Variants in FRAS1 observed in about 807,000 individuals in gnomAD.
The protein encoded by FRAS1 is extracellular matrix organizing protein FRAS1.
FRAS1 carries 290 observed loss-of-function variants against 435.2 expected under a neutral mutation model. The observed-to-expected ratio is 0.67, with a 90% CI of 0.61 to 0.73. The LOEUF is 0.73. Among genes scored for constraint, FRAS1 ranks in the 30% least tolerant of loss-of-function variants. The probability of loss-of-function intolerance (pLI) is 0.00; values close to 1 mark genes in which losing one functional copy is unlikely to be tolerated. For synonymous variants in FRAS1, 1,800 were observed against 1,851.0 expected (o/e 0.97, Z 0.71); for missense variants, 4,860 against 5,001.5 (o/e 0.97, Z 0.85).
chr4:78,327,463 G>A (rs17003130), intron 18 of FRAS1, among the ~76,000 whole-genome samples: 3,698 of 152,150 alleles, frequency 0.024, 173 homozygotes, highest in African/African-American at 0.084. Flanking sequence ...TAGTAGTATC[G>A]GTTGTTTGAA....
At position 78,317,495 on chromosome 4, in the gene FRAS1, T is replaced by A. The variant is rs345514; in HGVS notation, c.1947T>A (p.His649Gln). The A allele has an allele frequency of 4.3e-6, 7 of 1,612,994 alleles. No homozygotes were observed. In the African/African-American group the frequency reaches 9.3e-5, roughly 22 times the overall value. ...PRCGEGFYSD[H>Q]GVCKACHSSC... ...GTGGAGAGGGTTTCTACTCTGACCA[T>A]GGAGTCTGCAAAGGTATCGTTGGTG... is the stretch of plus-strand genomic sequence containing the variant. The change falls in exon 17 of 74, where the codon CAT becomes CAA. Residue 649 changes from histidine to glutamine, a missense_variant. Transcript: ENST00000512123.
At chr4:78,103,176 A>G (rs1578124775) in intron 2 of FRAS1, among the ~76,000 whole-genome samples, 1 of 152,240 alleles carries the variant, frequency 6.6e-6, no homozygotes. Flanking sequence ...GACTTTTAAT[A>G]TTATCTTCAG....
intron 54 of FRAS1, among the ~76,000 whole-genome samples, chr4:78,476,526 G>T (rs2109855249): frequency 6.6e-6 from 1 of 152,326 alleles, no homozygotes; most frequent in East Asian, 1.9e-4. Context: ...TCTGTAAAGA[G>T]AAGTGGGCTC....
At chr4:78,202,268 C>T (rs1465327797) in intron 2 of FRAS1, among the ~76,000 whole-genome samples, 1 of 152,102 alleles carries the variant, frequency 6.6e-6, no homozygotes, top group East Asian at 1.9e-4. Flanking sequence ...AACTTTTAAC[C>T]CCTGATTTCT....
intron 14 of FRAS1, among the ~76,000 whole-genome samples, chr4:78,292,698 G>C (rs550230622): frequency 6.6e-6 from 1 of 152,132 alleles, no homozygotes; most frequent in Admixed American, 6.5e-5. Flanking sequence ...AGCCCTCCTC[G>C]CAAGACAGGG....
At chr4:78,285,434 C>CT (rs143667746) in intron 13 of FRAS1, among the ~76,000 whole-genome samples, 93,129 of 145,506 alleles carry the variant, frequency 0.64, 30,536 homozygotes, top group East Asian at 0.95. Flanking sequence ...CTTCCATATT[C>CT]TTTTTTTTTT....
At chr4:78,243,435 C>T (rs1725092662) in intron 3 of FRAS1, among the ~76,000 whole-genome samples, 1 of 152,076 alleles carries the variant, frequency 6.6e-6, no homozygotes, top group Admixed American at 6.6e-5. Flanking sequence ...ACTGCAAAGC[C>T]TGGAGAAGGA....
chr4:78,408,565 CCAAACT>C (rs1029007736), intron 31 of FRAS1, among the ~76,000 whole-genome samples: 1 of 152,134 alleles, frequency 6.6e-6, no homozygotes, highest in African/African-American at 2.4e-5. Flanking sequence ...GGGCCTATAG[CCAAACT>C]CAACATGTTT....
intron 15 of FRAS1, among the ~76,000 whole-genome samples, chr4:78,311,719 C>T (rs60581294): frequency 0.051 from 7,707 of 152,282 alleles, 391 homozygotes; most frequent in East Asian, 0.3. Context: ...ATCCTTGCCA[C>T]CACTTGGCAT....
rs557600482 is a variant in FRAS1 at position 78,189,976 on chromosome 4, A to T, written c.109-47534A>T. 1.5e-3 allele frequency among the ~76,000 whole-genome samples: 222 copies of T among 152,316 alleles called. 1 individual carries two copies. Among genetic ancestry groups the T allele is most frequent in the African/African-American group, 5.3e-3 (219 of 41,576 alleles). ...CAAAAATTTTTCATCTTTTGCCTGC[A>T]CTGATGCATTAGCCATCTAACCTGG... On this transcript the variant is annotated intron_variant, in intron 2 of 73. Coordinates refer to ENST00000512123, the MANE Select transcript of FRAS1 (RefSeq NM_025074.7).
chr4:78,141,959 T>C (rs750729668), intron 2 of FRAS1, among the ~76,000 whole-genome samples: 7 of 152,036 alleles, frequency 4.6e-5, no homozygotes, highest in Non-Finnish European at 1.0e-4. Flanking sequence ...CTAAGAATGA[T>C]ACAATGGACT....
At chr4:78,312,438 C>T (rs139047423) in intron 15 of FRAS1, among the ~76,000 whole-genome samples, 30 of 151,940 alleles carry the variant, frequency 2.0e-4, no homozygotes, top group East Asian at 1.7e-3. Flanking sequence ...TGTAGTATGT[C>T]TCAATATCTG....
intron 6 of FRAS1, among the ~76,000 whole-genome samples, chr4:78,264,240 AG>A (rs1726245805): frequency 6.6e-6 from 1 of 152,208 alleles, no homozygotes; most frequent in East Asian, 1.9e-4. Context: ...AATTCTTCTT[AG>A]GGCAGCAGAG....
chr4:78,294,169 A>G (rs1243453802), intron 14 of FRAS1, among the ~76,000 whole-genome samples: 1 of 152,168 alleles, frequency 6.6e-6, no homozygotes, highest in Admixed American at 6.5e-5. Flanking sequence ...TATGCTGCTC[A>G]CAGAGCTAAC....
chr4:78,331,701 A>G (rs1729957085), intron 18 of FRAS1, among the ~76,000 whole-genome samples: 1 of 152,178 alleles, frequency 6.6e-6, no homozygotes, highest in African/African-American at 2.4e-5. Flanking sequence ...CATTGGGCAG[A>G]AGATGGCCTG....
In FRAS1 at chr4:78,364,157, G is replaced by A; in HGVS notation, c.2722+103G>A. ...CTTACTTCCATCTTCTCACCTGGTA[G>A]CCTTTATTTTTATAAAAGGAAGAAA... On this transcript the variant is annotated intron_variant, in intron 22 of 73. Transcript: ENST00000512123. 16 of 1,294,876 alleles carry A rather than the reference G, an allele frequency of 1.2e-5. No individual in the cohort carries two copies. In the South Asian group the frequency reaches 2.5e-4, roughly 20 times the overall value. 80.2% of individuals were successfully genotyped at this position (1,294,876 alleles called of 1,614,324 possible).
intron 2 of FRAS1, among the ~76,000 whole-genome samples, chr4:78,216,143 T>C (rs769827644): frequency 2.6e-5 from 4 of 152,222 alleles, no homozygotes; most frequent in Non-Finnish European, 5.9e-5. Flanking sequence ...TGGATACTTA[T>C]TAATCAGTGA....
chr4:78,478,136 A>G (rs2109856549), intron 55 of FRAS1, 75 bp downstream of exon 55: 1 of 1,436,474 alleles, frequency 7.0e-7, no homozygotes, highest in Non-Finnish European at 9.3e-7. Context: ...TGTGCTAAGC[A>G]CTCATCTCAT....
intron 2 of FRAS1, among the ~76,000 whole-genome samples, chr4:78,207,970 C>T (rs1177057733): frequency 6.6e-6 from 1 of 152,118 alleles, no homozygotes; most frequent in East Asian, 1.9e-4. Context: ...ACCTTTGCTC[C>T]AGAACTACTG....
Sources: allele counts gnomAD v4.1 joint callset (sites outside exome capture counted in the v4.1 genomes callset), GRCh38; gene constraint gnomAD v4.1.1; transcripts MANE v1.5; gene names NCBI Gene and HGNC (gene_info 2026-07-23, HGNC 2026-07-21).